The following DTD1 variants were observed in gnomAD, a reference collection of about 807,000 sequenced individuals.
The protein encoded by DTD1 is D-tyrosyl-tRNA deacylase 1 homolog.
DTD1 carries 13 observed loss-of-function variants against 25.6 expected under a neutral mutation model. That is an observed-to-expected ratio of 0.51 (90% CI 0.33 to 0.81). The LOEUF (loss-of-function observed/expected upper bound fraction) is 0.81. Ranked by LOEUF, DTD1 falls within the 30% of genes least tolerant of loss-of-function variation. The pLI, the probability that DTD1 is intolerant of heterozygous loss-of-function variation, is 0.02. For missense variants in DTD1, 193 were observed against 266.4 expected, an observed-to-expected ratio of 0.72 and a Z score of 1.92; for synonymous variants, 110 against 103.6, an observed-to-expected ratio of 1.06 and a Z score of -0.37.
At chr20:18,596,962 T>C (rs2060614508) in intron 3 of DTD1, among the ~76,000 whole-genome samples, 2 of 152,230 alleles carry the variant, frequency 1.3e-5, no homozygotes, top group African/African-American at 2.4e-5. Flanking sequence ...CACAGTCTCC[T>C]GTTGGCACTA....
chr20:18,733,943 C>T (rs1322492411), intron 4 of DTD1, among the ~76,000 whole-genome samples: 2 of 152,240 alleles, frequency 1.3e-5, no homozygotes, highest in East Asian at 1.9e-4. Context: ...GAAACATCCT[C>T]TCTTAATATT....
intron 4 of DTD1, among the ~76,000 whole-genome samples, chr20:18,659,934 A>AG (rs57865864): frequency 6.6e-6 from 1 of 151,032 alleles, no homozygotes; most frequent in East Asian, 1.9e-4. Flanking sequence ...AAAGAAAGAA[A>AG]AAAAATATTT....
chr20:18,706,664 A>G (rs1367046778), intron 4 of DTD1, among the ~76,000 whole-genome samples: 1 of 152,178 alleles, frequency 6.6e-6, no homozygotes, highest in African/African-American at 2.4e-5. Context: ...TTAATAGGTA[A>G]TCTCTTGAAA....
At chr20:18,734,235 A>G (rs181218650) in intron 4 of DTD1, among the ~76,000 whole-genome samples, 1 of 152,264 alleles carries the variant, frequency 6.6e-6, no homozygotes, top group South Asian at 2.1e-4. Flanking sequence ...TCCCCGTCCT[A>G]CCCTCTGCCA....
At chr20:18,657,407 A>G (rs531757884) in intron 4 of DTD1, among the ~76,000 whole-genome samples, 1 of 152,290 alleles carries the variant, frequency 6.6e-6, no homozygotes, top group South Asian at 2.1e-4. Flanking sequence ...AATTTTGGAG[A>G]CTTTGGAGAT....
intron 4 of DTD1, among the ~76,000 whole-genome samples, chr20:18,735,367 G>C (rs1412622766): frequency 1.3e-5 from 2 of 152,258 alleles, no homozygotes; most frequent in African/African-American, 4.8e-5. Flanking sequence ...AGAAGCCCCT[G>C]TGCAGGTGTT....
intron 4 of DTD1, among the ~76,000 whole-genome samples, chr20:18,651,985 C>T (rs1193829417): frequency 6.6e-6 from 1 of 152,138 alleles, no homozygotes; most frequent in East Asian, 1.9e-4. Context: ...GGCCGTTAGC[C>T]ACTGGTTCCT....
intron 3 of DTD1, among the ~76,000 whole-genome samples, chr20:18,625,061 G>A (rs2060751684): frequency 6.6e-6 from 1 of 152,198 alleles, no homozygotes; most frequent in South Asian, 2.1e-4. Context: ...TTGTTTCCAA[G>A]AAATGAATCT....
At chr20:18,674,092 AT>A (rs199648272) in intron 4 of DTD1, among the ~76,000 whole-genome samples, 13 of 151,534 alleles carry the variant, frequency 8.6e-5, no homozygotes, top group Non-Finnish European at 1.5e-4. Context: ...TACTTTGGTG[AT>A]TTTTTTTTCC....
At chr20:18,708,530 A>G (rs1322460540) in intron 4 of DTD1, among the ~76,000 whole-genome samples, 1 of 148,990 alleles carries the variant, frequency 6.7e-6, no homozygotes, top group South Asian at 2.1e-4. Context: ...TAATTTTTGT[A>G]TATTTAGTAG....
In DTD1 at chr20:18,743,963, A is replaced by G. The variant is rs2061289481; in HGVS notation, c.478-137A>G. 2.7e-5 allele frequency: 23 copies of G among 844,240 alleles called. No individual in the cohort carries two copies. The South Asian group carries it at 4.3e-4, about 16-fold the overall frequency. 52.3% of individuals were successfully genotyped at this position (844,240 alleles called of 1,614,324 possible). A position where few individuals can be genotyped will look rare whatever the true frequency, so the allele number is the denominator to read the frequency against. ...AAACATTCTGTGTATAATTTGGTAT[A>G]TCTGAACCACTGTGCTCTGCCAGGT... On this transcript the variant is annotated intron_variant, in intron 4 of 5. Transcript: ENST00000377452.
chr20:18,652,687 C>T (rs1204154071), intron 4 of DTD1, among the ~76,000 whole-genome samples: 1 of 152,176 alleles, frequency 6.6e-6, no homozygotes. Flanking sequence ...GCACTTTGGT[C>T]TCATTTTTGA....
intron 4 of DTD1, among the ~76,000 whole-genome samples, chr20:18,707,437 T>C (rs1277873032): frequency 6.6e-6 from 1 of 152,182 alleles, no homozygotes; most frequent in Non-Finnish European, 1.5e-5. Flanking sequence ...TGCTCACTCA[T>C]ATATGCACCT....
intron 4 of DTD1, among the ~76,000 whole-genome samples, chr20:18,658,229 T>TGTG (rs2060897771): frequency 7.8e-6 from 1 of 127,854 alleles, no homozygotes; most frequent in African/African-American, 2.8e-5. Context: ...GTGTGTGTGT[T>TGTG]TCCCCCACCC....
chr20:18,728,775 G>T (rs905764334), intron 4 of DTD1, among the ~76,000 whole-genome samples: 14 of 152,156 alleles, frequency 9.2e-5, no homozygotes, highest in Admixed American at 3.3e-4. Context: ...AAAAGCCCCT[G>T]CCTGGGTCCC....
At chr20:18,723,637 T>C (rs1289048059) in intron 4 of DTD1, among the ~76,000 whole-genome samples, 1 of 152,224 alleles carries the variant, frequency 6.6e-6, no homozygotes, top group Non-Finnish European at 1.5e-5. Context: ...TATAATTCTG[T>C]CGGTGCAGGG....
intron 4 of DTD1, among the ~76,000 whole-genome samples, chr20:18,666,198 T>C (rs2060930769): frequency 6.6e-6 from 1 of 152,192 alleles, no homozygotes; most frequent in Admixed American, 6.5e-5. Flanking sequence ...GTTTTTCTAG[T>C]GATAGACTAT....
chr20:18,593,730 G>T lies in DTD1; in HGVS notation c.44-1G>T. 6.2e-7 allele frequency: 1 copy of T among 1,613,484 alleles called. No individual in the cohort carries two copies. Among genetic ancestry groups the T allele is most frequent in the Non-Finnish European group, 8.5e-7 (1 of 1,179,508 alleles). On this transcript the variant is annotated splice_acceptor_variant, in intron 1 of 5. Transcript: ENST00000377452. LOFTEE classifies it high-confidence loss of function. ...TTCTCTCCCTTTTGGTTCCTTTCTA[G>T]TTGGAGGAGAGCAGATTAGTGCCAT... is the stretch of plus-strand genomic sequence containing the variant.
At chr20:18,636,633 T>A (rs181342743) in intron 4 of DTD1, among the ~76,000 whole-genome samples, 1 of 152,154 alleles carries the variant, frequency 6.6e-6, no homozygotes, top group African/African-American at 2.4e-5. Context: ...CAGTGGGGTG[T>A]GAGTTGGATC....
Sources: allele counts gnomAD v4.1 joint callset (sites outside exome capture counted in the v4.1 genomes callset), GRCh38; gene constraint gnomAD v4.1.1; transcripts MANE v1.5; gene names NCBI Gene and HGNC (gene_info 2026-07-23, HGNC 2026-07-21).